Variants in ALK observed in about 807,000 individuals in gnomAD.
The protein encoded by ALK is ALK tyrosine kinase receptor.
Under a neutral mutation model 163.1 loss-of-function variants are expected in ALK, and 74 were observed. The observed-to-expected ratio is 0.45, with a 90% CI of 0.38 to 0.55. ALK has a LOEUF of 0.55. Ranked by LOEUF, ALK falls within the 20% of genes least tolerant of loss-of-function variation. The pLI is 0.00. For missense variants in ALK, 2,063 were observed against 2,105.3 expected (o/e 0.98, Z 0.39); for synonymous variants, 960 against 843.2 (o/e 1.14, Z -2.40).
chr2:29,807,220 T>G (rs763852277), intron 1 of ALK, among the ~76,000 whole-genome samples: 3 of 152,210 alleles, frequency 2.0e-5, no homozygotes, highest in Non-Finnish European at 4.4e-5. Flanking sequence ...TTCTCGCCCC[T>G]GTGGCTACAA....
intron 3 of ALK, among the ~76,000 whole-genome samples, chr2:29,571,859 C>T (rs1674385499): frequency 6.6e-6 from 1 of 152,030 alleles, no homozygotes; most frequent in Admixed American, 6.6e-5. Context: ...CGTGATCCAC[C>T]TGCCTCGGCC....
intron 4 of ALK, among the ~76,000 whole-genome samples, chr2:29,488,494 C>T (rs1265897303): frequency 6.6e-6 from 1 of 152,072 alleles, no homozygotes; most frequent in Admixed American, 6.6e-5. Flanking sequence ...TGACTGATGG[C>T]ATTGGAGTGG....
chr2:29,831,269 G>GAAGAAGAAGAATAAGAAT, intron 1 of ALK, among the ~76,000 whole-genome samples: 1 of 95,446 alleles, frequency 1.0e-5, no homozygotes, highest in African/African-American at 3.6e-5. Context: ...GGAAGAAGAA[G>GAAGAAGAAGAATAAGAAT]AAGAAGAAGA....
chr2:29,628,630 G>GA (rs1216661888), intron 3 of ALK, among the ~76,000 whole-genome samples: 4 of 152,180 alleles, frequency 2.6e-5, no homozygotes, highest in Non-Finnish European at 5.9e-5. Context: ...AAACTTAGCA[G>GA]AATTCTCTTT....
At chr2:29,368,896 G>T (rs990241253) in intron 5 of ALK, among the ~76,000 whole-genome samples, 5 of 152,146 alleles carry the variant, frequency 3.3e-5, no homozygotes, top group Non-Finnish European at 5.9e-5. Flanking sequence ...ACCAAGATAA[G>T]CTGGAACGTT....
At chr2:29,602,290 C>T (rs1487608533) in intron 3 of ALK, among the ~76,000 whole-genome samples, 1 of 151,548 alleles carries the variant, frequency 6.6e-6, no homozygotes, top group Non-Finnish European at 1.5e-5. Context: ...CCAACATGGA[C>T]AGGCTTGGAG....
At chr2:29,288,568 C>T (rs1665922796) in intron 9 of ALK, among the ~76,000 whole-genome samples, 1 of 152,210 alleles carries the variant, frequency 6.6e-6, no homozygotes, top group South Asian at 2.1e-4. Context: ...GTGATAACAC[C>T]TGCTGCCTGT....
chr2:29,819,467 T>G (rs533502277), intron 1 of ALK, among the ~76,000 whole-genome samples: 1 of 152,378 alleles, frequency 6.6e-6, no homozygotes, highest in South Asian at 2.1e-4. Flanking sequence ...GAAACACTGC[T>G]GGCTTGCGCG....
At chr2:29,404,968 A>T (rs1669545751) in intron 4 of ALK, among the ~76,000 whole-genome samples, 1 of 152,220 alleles carries the variant, frequency 6.6e-6, no homozygotes, top group Non-Finnish European at 1.5e-5. Context: ...TGATTGCTCA[A>T]GACTTTTAAA....
At chr2:29,882,604 G>T (rs183970202) in intron 1 of ALK, among the ~76,000 whole-genome samples, 3 of 152,306 alleles carry the variant, frequency 2.0e-5, no homozygotes, top group African/African-American at 7.2e-5. Flanking sequence ...TGAGGCAGGA[G>T]AATCACTTGA....
chr2:29,555,860 A>C (rs1021973528), intron 3 of ALK, among the ~76,000 whole-genome samples: 1 of 152,240 alleles, frequency 6.6e-6, no homozygotes, highest in African/African-American at 2.4e-5. Context: ...GGACTAAAGA[A>C]AAGGAAAAAG....
At position 29,920,317 on chromosome 2, in the gene ALK, G is replaced by A. The variant is rs1023682229; in HGVS notation, c.343C>T (p.Pro115Ser). ...APGVSWTAGS[P>S]APAEARTLSR... The stretch of plus-strand genomic sequence containing the variant: ...AGCGTCCGGGCCTCTGCCGGGGCTG[G>A]TGAACCGGCGGTCCAGGAGACCCCC... The change falls in exon 1 of 29, where the codon CCA becomes TCA. Residue 115 changes from proline to serine, a missense_variant. Around this residue, in one of 5 missense-constraint regions of ALK, gnomAD observed 987 missense variants for 939.5 expected, o/e 1.05. Transcript: ENST00000389048. The A allele has an allele frequency of 6.4e-6, 10 of 1,555,864 alleles. No individual in the cohort carries two copies. Among genetic ancestry groups the A allele is most frequent in the Non-Finnish European group, 8.7e-6 (10 of 1,151,412 alleles).
In ALK at chr2:29,314,871, G is replaced by A. The variant is rs1033559363; in HGVS notation, c.1647+3433C>T. On this transcript the variant is annotated intron_variant, in intron 8 of 28. Coordinates refer to ENST00000389048, the MANE Select transcript of ALK (RefSeq NM_004304.5). Reference sequence around the variant, plus strand: ...GGGTGGTGTCAGCCGCCACTCTGCCGTGCTCTTTATTACCAGCGGCTGCAA... The same window carrying A: ...GGGTGGTGTCAGCCGCCACTCTGCCATGCTCTTTATTACCAGCGGCTGCAA... 4.6e-5 allele frequency among the ~76,000 whole-genome samples: 7 copies of A among 152,082 alleles called. No individual in the cohort carries two copies. In the South Asian group the frequency reaches 1.0e-3, roughly 23 times the overall value.
chr2:29,291,938 G>C (rs768878622), intron 9 of ALK, among the ~76,000 whole-genome samples: 1 of 152,178 alleles, frequency 6.6e-6, no homozygotes, highest in Non-Finnish European at 1.5e-5. Flanking sequence ...AATTCTGTCG[G>C]TGATAAAAAT....
chr2:29,562,764 C>G (rs183986732), intron 3 of ALK, among the ~76,000 whole-genome samples: 3 of 152,302 alleles, frequency 2.0e-5, no homozygotes, highest in Non-Finnish European at 4.4e-5. Flanking sequence ...AAGGAATTCT[C>G]ATTATTACAA....
chr2:29,238,182 C>G (rs1573146786), intron 13 of ALK, among the ~76,000 whole-genome samples: 1 of 152,142 alleles, frequency 6.6e-6, no homozygotes, highest in East Asian at 1.9e-4. Flanking sequence ...CCACATCCGG[C>G]AGTTTAATTA....
chr2:29,425,103 A>AC (rs1670102682), intron 4 of ALK, among the ~76,000 whole-genome samples: 1 of 152,164 alleles, frequency 6.6e-6, no homozygotes, highest in Non-Finnish European at 1.5e-5. Context: ...GGTAAAAATT[A>AC]TTTTTTAGAA....
chr2:29,864,992 A>C (rs1303279069), intron 1 of ALK, among the ~76,000 whole-genome samples: 1 of 152,234 alleles, frequency 6.6e-6, no homozygotes, highest in Non-Finnish European at 1.5e-5. Flanking sequence ...ATGTCAGCCA[A>C]GACCTCTCAG....
chr2:29,371,842 G>A (rs1422261508), intron 5 of ALK, among the ~76,000 whole-genome samples: 1 of 152,078 alleles, frequency 6.6e-6, no homozygotes. Context: ...AGGCCTGGCT[G>A]CACCTCCTCC....
Sources: allele counts gnomAD v4.1 joint callset (sites outside exome capture counted in the v4.1 genomes callset), GRCh38; gene constraint gnomAD v4.1.1; regional missense constraint gnomAD v4.1.1; transcripts MANE v1.5; gene names NCBI Gene and HGNC (gene_info 2026-07-23, HGNC 2026-07-21).